ANAPC10: variants seen among roughly 807,000 people sequenced by gnomAD.
ANAPC10 encodes the protein anaphase-promoting complex subunit 10.
A neutral mutation model predicts 22.0 loss-of-function variants in ANAPC10; 12 were observed. That is an observed-to-expected ratio of 0.55 (90% CI 0.35 to 0.88). ANAPC10 has a LOEUF of 0.88. ANAPC10 is among the 40% of genes least tolerant of loss of function. The pLI is 0.01. For synonymous variants in ANAPC10, 65 were observed against 69.5 expected (o/e 0.94, Z 0.32); for missense variants, 188 against 220.9 (o/e 0.85, Z 0.94).
At chr4:144,996,869 T>A (rs1386032490) in intron 4 of ANAPC10, among the ~76,000 whole-genome samples, 1 of 151,986 alleles carries the variant, frequency 6.6e-6, no homozygotes, top group Non-Finnish European at 1.5e-5. Flanking sequence ...CTAACTAGAA[T>A]AAACAGCAAA....
At chr4:144,996,367 G>C (rs1357001000) in intron 4 of ANAPC10, among the ~76,000 whole-genome samples, 2 of 152,150 alleles carry the variant, frequency 1.3e-5, no homozygotes, top group Non-Finnish European at 2.9e-5. Flanking sequence ...TCAGCTGGGC[G>C]CCACTTGGAG....
At chr4:145,035,398 C>T (rs967266822) in intron 4 of ANAPC10, 1 of 152,204 alleles carries the variant, frequency 6.6e-6, no homozygotes, top group Admixed American at 6.5e-5. Flanking sequence ...AGAGAGGCAG[C>T]AGCCATTTTA....
chr4:145,040,157 GTGTGTGTTT>G (rs1440944317), intron 4 of ANAPC10, among the ~76,000 whole-genome samples: 1 of 150,740 alleles, frequency 6.6e-6, no homozygotes, highest in African/African-American at 2.4e-5. Context: ...GTGTGTGTGT[GTGTGTGTTT>G]TGAGACGGAG....
chr4:145,066,174 C>T (rs1289590194), intron 3 of ANAPC10, among the ~76,000 whole-genome samples: 3 of 152,142 alleles, frequency 2.0e-5, no homozygotes, highest in Non-Finnish European at 4.4e-5. Flanking sequence ...GGAGACCAAA[C>T]TTCTGTAGCC....
At chr4:145,091,479 A>G (rs1460511394) in intron 2 of ANAPC10, among the ~76,000 whole-genome samples, 1 of 152,184 alleles carries the variant, frequency 6.6e-6, no homozygotes, top group Non-Finnish European at 1.5e-5. Flanking sequence ...ATGGATATTA[A>G]GGAATTCCAA....
intron 4 of ANAPC10, among the ~76,000 whole-genome samples, chr4:145,040,990 GGTAAAA>G (rs1739425304): frequency 6.6e-6 from 1 of 151,896 alleles, no homozygotes; most frequent in Admixed American, 6.6e-5. Context: ...TCTACGCAGA[GGTAAAA>G]ATCCAATATA....
chr4:145,073,897 G>A (rs1321390740), intron 3 of ANAPC10, among the ~76,000 whole-genome samples: 2 of 151,422 alleles, frequency 1.3e-5, no homozygotes, highest in African/African-American at 2.4e-5. Context: ...AAATTTTGAT[G>A]AAGGCAGATC....
intron 2 of ANAPC10, among the ~76,000 whole-genome samples, chr4:145,087,818 G>A (rs1049694480): frequency 2.0e-5 from 3 of 152,096 alleles, no homozygotes; most frequent in African/African-American, 7.2e-5. Context: ...AGGCTGAGGT[G>A]GGCGGATCAC....
chr4:145,005,300 T>TG (rs1733175093), intron 4 of ANAPC10, among the ~76,000 whole-genome samples: 1 of 152,196 alleles, frequency 6.6e-6, no homozygotes, highest in South Asian at 2.1e-4. Context: ...TGGATTTCTG[T>TG]GGGGTCAGTG....
At chr4:145,043,185 C>CA (rs937388833) in intron 4 of ANAPC10, among the ~76,000 whole-genome samples, 31 of 148,248 alleles carry the variant, frequency 2.1e-4, no homozygotes, top group African/African-American at 6.2e-4. Flanking sequence ...AGTGTTAATA[C>CA]AAAAAAAAGA....
intron 3 of ANAPC10, among the ~76,000 whole-genome samples, chr4:145,074,287 C>T (rs986752454): frequency 2.0e-5 from 3 of 151,876 alleles, no homozygotes; most frequent in African/African-American, 7.2e-5. Flanking sequence ...TTTCTCCTAA[C>T]TGCCAAGAAA....
Position 145,037,047 on chromosome 4 carries a change from T to TGTGC in ANAPC10, c.327+27524_327+27525insGCAC, listed in dbSNP as rs1245481901. Among the ~76,000 whole-genome samples the TGTGC allele has an allele frequency of 3.5e-3, 524 of 148,486 alleles. 5 individuals carry two copies. Among genetic ancestry groups the TGTGC allele is most frequent in the African/African-American group, 0.012 (481 of 39,888 alleles). On this transcript the variant is annotated intron_variant, in intron 4 of 4. Coordinates refer to ENST00000507656, the MANE Select transcript of ANAPC10 (RefSeq NM_001256706.2). ...GTGTGTGTGTGTGTGTGTATGTGTG[T>TGTGC]GCATGCATGAATGTGTGTTTTATGG...
chr4:145,010,789 G>A (rs1378433319), intron 4 of ANAPC10, among the ~76,000 whole-genome samples: 6 of 151,892 alleles, frequency 4.0e-5, no homozygotes, highest in South Asian at 2.1e-4. Flanking sequence ...AAACCTGCAC[G>A]TTGTGCACAT....
intron 4 of ANAPC10, among the ~76,000 whole-genome samples, chr4:145,054,626 TGTGTGTGTGTGTGTGC>T (rs1203868311): frequency 5.3e-4 from 68 of 128,182 alleles, no homozygotes; most frequent in African/African-American, 1.5e-3. Flanking sequence ...TGTGTGTGTG[TGTGTGTGTGTGTGTGC>T]GCGCGCGCGC....
chr4:145,069,051 TTAAAA>T (rs1378921673), intron 3 of ANAPC10, among the ~76,000 whole-genome samples: 1 of 152,216 alleles, frequency 6.6e-6, no homozygotes, highest in African/African-American at 2.4e-5. Context: ...AGATACGGTC[TTAAAA>T]TAAAATAAAA....
chr4:145,054,650 C>T (rs1295121146), intron 4 of ANAPC10, among the ~76,000 whole-genome samples: 7 of 144,190 alleles, frequency 4.9e-5, no homozygotes, highest in East Asian at 4.1e-4. Context: ...TGCGCGCGCG[C>T]GCGCGTGCGT....
At chr4:145,082,322 T>G (rs1025366543) in intron 2 of ANAPC10, among the ~76,000 whole-genome samples, 10 of 152,162 alleles carry the variant, frequency 6.6e-5, no homozygotes, top group Non-Finnish European at 1.5e-4. Context: ...ACTAATTTCA[T>G]ATTTTTAGTA....
intron 4 of ANAPC10, among the ~76,000 whole-genome samples, chr4:145,021,360 T>C (rs1411132003): frequency 6.6e-6 from 1 of 151,780 alleles, no homozygotes; most frequent in Non-Finnish European, 1.5e-5. Flanking sequence ...AGAGAACCCA[T>C]AAATAAACCC....
At chr4:145,002,867 TCTAA>T (rs750635268) in intron 4 of ANAPC10, among the ~76,000 whole-genome samples, 1 of 147,702 alleles carries the variant, frequency 6.8e-6, no homozygotes, top group Non-Finnish European at 1.5e-5. Flanking sequence ...AATATCTTTT[TCTAA>T]CTTTTATTTT....
Sources: gnomAD v4.1 joint callset for allele counts (sites outside exome capture counted in the v4.1 genomes callset) on GRCh38, gnomAD v4.1.1 for gene constraint, MANE v1.5 for transcripts, NCBI Gene and HGNC (gene_info 2026-07-23, HGNC 2026-07-21) for gene names.